The following DNAH5 variants were observed in gnomAD, a reference collection of about 807,000 sequenced individuals.
DNAH5 encodes the protein axonemal beta dynein heavy chain 5.
DNAH5 carries 372 observed loss-of-function variants against 518.2 expected under a neutral mutation model. The observed-to-expected ratio is 0.72, with a 90% CI of 0.66 to 0.78. DNAH5 has a LOEUF of 0.78. Among genes scored for constraint, DNAH5 ranks in the 30% least tolerant of loss-of-function variants. The pLI, the probability that DNAH5 is intolerant of heterozygous loss-of-function variation, is 0.00. For synonymous variants in DNAH5, 2,039 were observed against 2,025.9 expected (o/e 1.01, Z -0.17); for missense variants, 5,523 against 5,687.0 (o/e 0.97, Z 0.93).
At chr5:13,872,397 A>C (rs1330617458) in intron 22 of DNAH5, among the ~76,000 whole-genome samples, 2 of 152,210 alleles carry the variant, frequency 1.3e-5, no homozygotes, top group Non-Finnish European at 2.9e-5. Context: ...CCAACCAGGA[A>C]CATAGTGCAT....
At chr5:13,750,908 T>C (rs993631085) in intron 65 of DNAH5, among the ~76,000 whole-genome samples, 170 bp downstream of exon 65, 2 of 152,188 alleles carry the variant, frequency 1.3e-5, no homozygotes, top group African/African-American at 4.8e-5. Context: ...AGATGACTGG[T>C]TAATAATTTC....
At chr5:13,962,352 G>A (rs1781242752) in intron 1 of DNAH5, among the ~76,000 whole-genome samples, 1 of 152,150 alleles carries the variant, frequency 6.6e-6, no homozygotes, top group African/African-American at 2.4e-5. Context: ...ATCATGTTTT[G>A]ATACCTTAGA....
chr5:14,006,824 T>A (rs1784752042), intron 1 of DNAH5, among the ~76,000 whole-genome samples: 1 of 152,212 alleles, frequency 6.6e-6, no homozygotes, highest in East Asian at 1.9e-4. Flanking sequence ...TGGTCTTTTT[T>A]ATTCTTTCTT....
rs746946396 is a variant in DNAH5 at position 13,770,789 on chromosome 5, A to C, written c.9565T>G (p.Tyr3189Asp). The change falls in exon 56 of 79, where the codon TAT becomes GAT. Residue 3189 changes from tyrosine (Y) to aspartate (D), a missense_variant. Coordinates refer to ENST00000265104, the MANE Select transcript of DNAH5 (RefSeq NM_001369.3). Reference protein sequence around the residue: ...LSFIQGYKFIYGEKHVEVRTL... With the variant: ...LSFIQGYKFIDGEKHVEVRTL... ...CGCACCTCCACATGCTTTTCTCCAT[A>C]TATGAACTTATAGCCCTGAATAAAG... 1 of 1,614,022 alleles carries C rather than the reference A, an allele frequency of 6.2e-7. No homozygotes were observed. The highest frequency in any genetic ancestry group is 8.5e-7 in the Non-Finnish European group (1 of 1,179,962).
chr5:13,842,469 AAGAAAG>A (rs1728145477), intron 32 of DNAH5, among the ~76,000 whole-genome samples: 1 of 119,010 alleles, frequency 8.4e-6, no homozygotes, highest in Non-Finnish European at 1.8e-5. Context: ...GAAAGAAAGA[AAGAAAG>A]AAAGAAAGAG....
intron 30 of DNAH5, among the ~76,000 whole-genome samples, chr5:13,858,139 T>C (rs529208582): frequency 6.6e-6 from 1 of 152,246 alleles, no homozygotes; most frequent in South Asian, 2.1e-4. Flanking sequence ...TGCAACACTG[T>C]TCACAAAAGG....
intron 30 of DNAH5, among the ~76,000 whole-genome samples, chr5:13,852,407 T>A (rs1767006862): frequency 6.6e-6 from 1 of 152,152 alleles, no homozygotes; most frequent in Non-Finnish European, 1.5e-5. Context: ...CCTCAGGTAA[T>A]CTGCCCACCT....
At chr5:13,709,795 T>C (rs957122030) in intron 75 of DNAH5, among the ~76,000 whole-genome samples, 7 of 152,130 alleles carry the variant, frequency 4.6e-5, no homozygotes, top group Non-Finnish European at 8.8e-5. Context: ...GAAACTGAAG[T>C]AGCCACAGCA....
At chr5:13,950,426 G>A (rs1220282223) in intron 1 of DNAH5, among the ~76,000 whole-genome samples, 10 of 152,134 alleles carry the variant, frequency 6.6e-5, no homozygotes, top group South Asian at 6.2e-4. Flanking sequence ...ACAGGCATGC[G>A]CCACCACGCC....
chr5:13,847,873 T>G (rs906759692), intron 31 of DNAH5, among the ~76,000 whole-genome samples: 1 of 152,144 alleles, frequency 6.6e-6, no homozygotes, highest in African/African-American at 2.4e-5. Context: ...AGACAGTTCC[T>G]CGGCAAGTGT....
chr5:13,863,748 T>A (rs920052250), intron 28 of DNAH5, among the ~76,000 whole-genome samples: 6 of 152,090 alleles, frequency 3.9e-5, no homozygotes, highest in Non-Finnish European at 7.4e-5. Flanking sequence ...ACCAGAGTGA[T>A]CCTTACAAAC....
At chr5:13,909,956 G>A (rs1414514640) in intron 12 of DNAH5, among the ~76,000 whole-genome samples, 1 of 152,080 alleles carries the variant, frequency 6.6e-6, no homozygotes. Flanking sequence ...TGCATTTGAG[G>A]TGCTCACCAT....
rs756734134 is a variant in DNAH5, at chr5:13,690,776, C to T, written c.*1208G>A. ...TTAAAGAAAAATACGTGAAAAGTTCCTTTGATAATGTTTCCTAATTAATAA... is the reference window on the plus strand; with the variant it reads ...TTAAAGAAAAATACGTGAAAAGTTCTTTTGATAATGTTTCCTAATTAATAA... On this transcript the variant is annotated 3_prime_UTR_variant, in exon 79 of 79. Coordinates refer to ENST00000265104, the MANE Select transcript of DNAH5 (RefSeq NM_001369.3). 9.2e-5 allele frequency: 14 copies of T among 152,124 alleles called. No homozygotes were observed. Among genetic ancestry groups the T allele is most frequent in the Non-Finnish European group, 1.8e-4 (12 of 68,006 alleles). 9.4% of individuals were successfully genotyped at this position (152,124 alleles called of 1,614,324 possible).
At chr5:13,926,559 C>T (rs960795190) in intron 3 of DNAH5, among the ~76,000 whole-genome samples, 25 of 152,180 alleles carry the variant, frequency 1.6e-4, no homozygotes, top group Non-Finnish European at 3.1e-4. Context: ...AAGAATATTT[C>T]GCTTTCCATC....
upstream of DNAH5, among the ~76,000 whole-genome samples, chr5:13,945,318 T>G (rs904200374): frequency 6.6e-6 from 1 of 152,200 alleles, no homozygotes; most frequent in African/African-American, 2.4e-5. Context: ...TAGAATTTAG[T>G]CCTTGGAATT....
At position 13,890,959 on chromosome 5, in the gene DNAH5, A is replaced by T. The variant is rs746962552; in HGVS notation, c.2577+17T>A. On this transcript the variant is annotated intron_variant, in intron 17 of 78. Transcript: ENST00000265104. ...TCACCAAAAACCTTAAACAAAAAAAATCAAGGTTTTAATGACCTTTGTCAT... is the reference window on the plus strand; with the variant it reads ...TCACCAAAAACCTTAAACAAAAAAATTCAAGGTTTTAATGACCTTTGTCAT... The T allele has an allele frequency of 1.2e-6, 2 of 1,613,762 alleles. No homozygotes were observed. Among genetic ancestry groups the T allele is most frequent in the Non-Finnish European group, 1.7e-6 (2 of 1,179,892 alleles).
At chr5:13,897,608 G>A (rs1207977381) in intron 15 of DNAH5, 1 of 152,188 alleles carries the variant, frequency 6.6e-6, no homozygotes, top group African/African-American at 2.4e-5. Flanking sequence ...AAGCCTGAAA[G>A]CTCTGTCAAA....
chr5:13,714,434 T>A lies in DNAH5; in HGVS notation c.13096A>T (p.Lys4366Ter), dbSNP rs1437345620. Residue 4366 changes from lysine (K) to a stop codon, truncating the protein, a stop_gained, in exon 75 of 79, where the codon AAG (lysine) becomes TAG (stop). Transcript: ENST00000265104. LOFTEE classifies it high-confidence loss of function. ...AAGGGGACATAGTCTGGGGGCAGCT[T>A]CTCCAGCATATCATCAGCCAGCCGG... ...VARLADDMLE[K>*]LPPDYVPFEV... 1.2e-6 allele frequency: 2 copies of A among 1,614,072 alleles called. No homozygotes were observed. Among genetic ancestry groups the A allele is most frequent in the African/African-American group, 2.7e-5 (2 of 74,936 alleles).
At position 13,843,954 on chromosome 5, in the gene DNAH5, G is replaced by A. The variant is rs909994491; in HGVS notation, c.5271+883C>T. Among the ~76,000 whole-genome samples the A allele has an allele frequency of 3.9e-5, 6 of 152,274 alleles. No individual in the cohort carries two copies. In the East Asian group the frequency reaches 1.2e-3, roughly 29 times the overall value. ...AGTGTAGTACATAAAACTGACTTCA[G>A]CGTTGATCATGATACACCCTTCCTG... On this transcript the variant is annotated intron_variant, in intron 32 of 78. Transcript: ENST00000265104.
Sources: allele counts gnomAD v4.1 joint callset (sites outside exome capture counted in the v4.1 genomes callset), GRCh38; gene constraint gnomAD v4.1.1; transcripts MANE v1.5; gene names NCBI Gene and HGNC (gene_info 2026-07-23, HGNC 2026-07-21).